The following XPO7 variants were observed in gnomAD, a reference collection of about 807,000 sequenced individuals.
XPO7 encodes the protein exportin 7, also known as exportin-7.
XPO7 carries 21 observed loss-of-function variants against 144.3 expected under a neutral mutation model. The observed-to-expected ratio is 0.15, with a 90% CI of 0.10 to 0.21. XPO7 has a LOEUF of 0.21. XPO7 is among the 10% of genes least tolerant of loss of function. XPO7 has a pLI of 1.00. For synonymous variants in XPO7, 580 were observed against 499.6 expected, an observed-to-expected ratio of 1.16 and a Z score of -2.15; for missense variants, 808 against 1,325.8, an observed-to-expected ratio of 0.61 and a Z score of 6.06.
At chr8:21,958,647 T>G (rs917850459) in intron 1 of XPO7, among the ~76,000 whole-genome samples, 1 of 151,136 alleles carries the variant, frequency 6.6e-6, no homozygotes, top group Non-Finnish European at 1.5e-5. Flanking sequence ...TACAGTTGTT[T>G]AGTGTGAAAG....
intron 25 of XPO7, among the ~76,000 whole-genome samples, chr8:22,002,682 C>A (rs1236104348): frequency 6.6e-6 from 1 of 152,106 alleles, no homozygotes; most frequent in Non-Finnish European, 1.5e-5. Context: ...GAGATCAAAC[C>A]ATATGCTTGC....
At chr8:21,938,851 T>C (rs1416204610) in intron 1 of XPO7, among the ~76,000 whole-genome samples, 1 of 152,190 alleles carries the variant, frequency 6.6e-6, no homozygotes, top group Non-Finnish European at 1.5e-5. Context: ...AAACGTTATT[T>C]ATGATTCTTG....
intron 21 of XPO7, among the ~76,000 whole-genome samples, chr8:21,995,826 G>GT (rs200119611): frequency 0.024 from 3,607 of 151,904 alleles, 70 homozygotes; most frequent in Non-Finnish European, 0.039. Flanking sequence ...TGTTTGTCTT[G>GT]TTTTTTTTGA....
intron 5 of XPO7, among the ~76,000 whole-genome samples, chr8:21,973,079 C>A (rs1812118601): frequency 1.3e-5 from 2 of 152,172 alleles, no homozygotes; most frequent in South Asian, 4.1e-4. Flanking sequence ...GAAACTGAGG[C>A]CCATAAAGAT....
rs1172578571 is a variant in XPO7 at position 21,919,688 on chromosome 8, T to G, written c.-83T>G. On this transcript the variant is annotated 5_prime_UTR_variant, in exon 1 of 28. Coordinates refer to ENST00000252512, the MANE Select transcript of XPO7 (RefSeq NM_015024.5). ...GCGCGCAGGCGCAGCGGCGACGGCG[T>G]CGGCGGCGGCGGCGGCAGCGGCTCC... 6.5e-5 allele frequency: 12 copies of G among 185,238 alleles called. No individual in the cohort carries two copies. The highest frequency in any genetic ancestry group is 3.6e-4 in the East Asian group (2 of 5,500). The allele number at this position is 185,238 out of a possible 1,614,324, so 11.5% of individuals were successfully genotyped here. A position where few individuals can be genotyped will look rare whatever the true frequency, so the allele number is the denominator to read the frequency against.
At position 21,940,804 on chromosome 8, in the gene XPO7, G is replaced by T. The variant is rs1010578416; in HGVS notation, c.18+21016G>T. Among the ~76,000 whole-genome samples, 4 of 152,166 alleles carry T rather than the reference G, an allele frequency of 2.6e-5. No individual in the cohort carries two copies. The East Asian group carries it at 7.7e-4, about 29-fold the overall frequency. On this transcript the variant is annotated intron_variant, in intron 1 of 27. Transcript: ENST00000252512. ...CATTTTCATCGTCCTGTATAGTCTT[G>T]CCAAAAACACTTCCTGTATGTAATC...
At chr8:21,968,500 A>C (rs534234586) in intron 2 of XPO7, among the ~76,000 whole-genome samples, 82 of 152,270 alleles carry the variant, frequency 5.4e-4, no homozygotes, top group Admixed American at 1.2e-3. Context: ...TTGCTCTTAA[A>C]TCACTTGGTG....
chr8:21,974,262 C>T (rs775521165), intron 5 of XPO7, among the ~76,000 whole-genome samples: 3 of 151,848 alleles, frequency 2.0e-5, no homozygotes, highest in Non-Finnish European at 2.9e-5. Flanking sequence ...CTTCTGGGCT[C>T]AAATGATCCT....
intron 1 of XPO7, among the ~76,000 whole-genome samples, chr8:21,965,695 T>C (rs4636204): frequency 6.6e-6 from 1 of 151,998 alleles, no homozygotes; most frequent in Non-Finnish European, 1.5e-5. Context: ...GAGTAAAATA[T>C]GAATCCTGCC....
intron 16 of XPO7, among the ~76,000 whole-genome samples, chr8:21,989,368 T>G (rs1217175481): frequency 6.6e-6 from 1 of 152,236 alleles, no homozygotes; most frequent in South Asian, 2.1e-4. Flanking sequence ...AGGTACATAC[T>G]CTGTGTGACC....
chr8:21,972,241 G>T (rs934768136), intron 5 of XPO7, among the ~76,000 whole-genome samples: 8 of 151,832 alleles, frequency 5.3e-5, no homozygotes, highest in African/African-American at 1.9e-4. Flanking sequence ...ACTTTGGGAG[G>T]CCGAGGCAGG....
chr8:21,982,557 G>GTCTTT, intron 10 of XPO7, 83 bp from the exon 11 acceptor site: 1 of 1,442,650 alleles, frequency 6.9e-7, no homozygotes, highest in Non-Finnish European at 9.2e-7. Flanking sequence ...AAAGAAAAAA[G>GTCTTT]TCTTTATCTT....
intron 1 of XPO7, among the ~76,000 whole-genome samples, chr8:21,929,773 T>C (rs1201801997): frequency 6.6e-6 from 1 of 152,212 alleles, no homozygotes; most frequent in African/African-American, 2.4e-5. Context: ...AAAGGGTTTT[T>C]TTTTTCCCAC....
intron 1 of XPO7, among the ~76,000 whole-genome samples, chr8:21,934,947 G>A (rs754703321): frequency 3.3e-5 from 5 of 152,190 alleles, no homozygotes; most frequent in Non-Finnish European, 7.3e-5. Context: ...CCACAAAGCA[G>A]GTTGTGACAT....
chr8:21,976,294 C>T (rs1417753097), intron 6 of XPO7, 62 bp from the exon 7 acceptor site: 4 of 1,571,968 alleles, frequency 2.5e-6, no homozygotes, highest in Non-Finnish European at 3.5e-6. Context: ...TTTGTTGAGT[C>T]TGGGAGCAAG....
intron 1 of XPO7, among the ~76,000 whole-genome samples, chr8:21,940,210 A>G (rs1416899983): frequency 1.3e-5 from 2 of 152,238 alleles, no homozygotes; most frequent in African/African-American, 4.8e-5. Flanking sequence ...ATGGTAGAAT[A>G]CCAATACCAA....
chr8:21,967,035 C>T (rs1349435498), intron 2 of XPO7, 32 bp downstream of exon 2: 9 of 1,601,560 alleles, frequency 5.6e-6, no homozygotes, highest in East Asian at 2.2e-5. Flanking sequence ...TAAAGGATAA[C>T]AGGCGCTTCG....
intron 2 of XPO7, among the ~76,000 whole-genome samples, chr8:21,968,093 CAAGAA>C (rs1811944478): frequency 6.6e-6 from 1 of 152,050 alleles, no homozygotes; most frequent in Non-Finnish European, 1.5e-5. Context: ...GAGAAAACAC[CAAGAA>C]AAGGCACATA....
At chr8:21,965,691 AAT>A (rs1811860501) in intron 1 of XPO7, among the ~76,000 whole-genome samples, 1 of 152,170 alleles carries the variant, frequency 6.6e-6, no homozygotes, top group Non-Finnish European at 1.5e-5. Flanking sequence ...GGTTGAGTAA[AAT>A]ATGAATCCTG....
Sources: allele counts gnomAD v4.1 joint callset (sites outside exome capture counted in the v4.1 genomes callset), GRCh38; gene constraint gnomAD v4.1.1; transcripts MANE v1.5; gene names NCBI Gene and HGNC (gene_info 2026-07-23, HGNC 2026-07-21).